The following ARL3 variants were observed in gnomAD, a reference collection of about 807,000 sequenced individuals.
ARL3 encodes the protein ADP-ribosylation factor-like protein 3.
Under a neutral mutation model 26.0 loss-of-function variants are expected in ARL3, and 9 were observed. The ratio of observed to expected loss-of-function variants is 0.35; its 90% CI spans 0.21 to 0.60. ARL3 has a LOEUF of 0.60. Ranked by LOEUF, ARL3 falls within the 20% of genes least tolerant of loss-of-function variation. The pLI, the probability that ARL3 is intolerant of heterozygous loss-of-function variation, is 0.78. For synonymous variants in ARL3, 71 were observed against 78.4 expected (o/e 0.91, Z 0.50); for missense variants, 158 against 215.7 (o/e 0.73, Z 1.67).
chr10:102,700,163 C>A (rs571034678), intron 2 of ARL3, among the ~76,000 whole-genome samples: 1 of 152,296 alleles, frequency 6.6e-6, no homozygotes, highest in East Asian at 1.9e-4. Context: ...GTAATCCCAG[C>A]ACTCTGGGAG....
chr10:102,701,224 T>C (rs577676774), intron 2 of ARL3, among the ~76,000 whole-genome samples: 1 of 152,244 alleles, frequency 6.6e-6, no homozygotes, highest in East Asian at 1.9e-4. Flanking sequence ...AAAAATTACA[T>C]AGGGAAACCA....
intron 3 of ARL3, 27 bp downstream of exon 3, chr10:102,699,346 A>C: frequency 7.4e-7 from 1 of 1,355,870 alleles, no homozygotes; most frequent in Non-Finnish European, 1.1e-6. Context: ...AAATACTATG[A>C]ATTAGTGCGT....
intron 4 of ARL3, 24 bp from the exon 5 acceptor site, chr10:102,686,025 A>T: frequency 6.4e-7 from 1 of 1,564,106 alleles, no homozygotes; most frequent in African/African-American, 1.4e-5. Flanking sequence ...AGGGAGAGGG[A>T]GGGAAGGTTA....
At chr10:102,678,659 A>T (rs969015928) in intron 5 of ARL3, among the ~76,000 whole-genome samples, 2 of 152,242 alleles carry the variant, frequency 1.3e-5, no homozygotes, top group Non-Finnish European at 2.9e-5. Flanking sequence ...CTATGTGAAT[A>T]GCGCTTTGCC....
At chr10:102,700,786 T>C (rs1316272905) in intron 2 of ARL3, among the ~76,000 whole-genome samples, 1 of 145,472 alleles carries the variant, frequency 6.9e-6, no homozygotes, top group African/African-American at 2.6e-5. Flanking sequence ...TTTTTTTTTT[T>C]TTTTGCAGAG....
chr10:102,699,910 T>G (rs576187529), intron 2 of ARL3, among the ~76,000 whole-genome samples: 1 of 152,204 alleles, frequency 6.6e-6, no homozygotes, highest in East Asian at 1.9e-4. Flanking sequence ...ACAAGCTAAA[T>G]TTAAAGAGGC....
chr10:102,686,915 G>T (rs1371528375), intron 4 of ARL3, among the ~76,000 whole-genome samples: 1 of 125,934 alleles, frequency 7.9e-6, no homozygotes, highest in Non-Finnish European at 1.6e-5. Context: ...TTGCTCTGTT[G>T]CCCAGGCTGG....
At position 102,704,572 on chromosome 10, in the gene ARL3, G is replaced by A. The variant is rs368403866; in HGVS notation, c.147+774C>T. Among the ~76,000 whole-genome samples the A allele has an allele frequency of 5.3e-5, 8 of 152,212 alleles. No homozygotes were observed. The South Asian group carries it at 6.2e-4, about 12-fold the overall frequency. ...CAAGAATCGCTTGAACCTGGGAGGCGGAGGTTGCAGTGAGCCAAGATTGCA... is the reference window on the plus strand; with the variant it reads ...CAAGAATCGCTTGAACCTGGGAGGCAGAGGTTGCAGTGAGCCAAGATTGCA... On this transcript the variant is annotated intron_variant, in intron 2 of 5. Transcript: ENST00000260746.
At chr10:102,711,274 T>A (rs1281154490) in intron 1 of ARL3, among the ~76,000 whole-genome samples, 1 of 151,938 alleles carries the variant, frequency 6.6e-6, no homozygotes, top group Non-Finnish European at 1.5e-5. Flanking sequence ...ATGAAATGAA[T>A]GTTATGGGCT....
chr10:102,711,314 CTGTG>C (rs3977757), intron 1 of ARL3, among the ~76,000 whole-genome samples: 392 of 143,232 alleles, frequency 2.7e-3, no homozygotes, highest in Admixed American at 3.2e-3. Context: ...TATTCAGCTT[CTGTG>C]TGTGTGTGTG....
intron 5 of ARL3, among the ~76,000 whole-genome samples, chr10:102,680,300 A>G (rs566399532): frequency 3.2e-4 from 48 of 152,226 alleles, no homozygotes; most frequent in African/African-American, 1.1e-3. Flanking sequence ...GATCTTCATT[A>G]TGGGGATGAC....
intron 2 of ARL3, among the ~76,000 whole-genome samples, chr10:102,704,209 C>T (rs914671022): frequency 6.0e-5 from 8 of 132,332 alleles, no homozygotes; most frequent in Admixed American, 5.5e-4. Context: ...AAAATTGATA[C>T]ATATTTGTAT....
chr10:102,692,037 A>T (rs1038520556), intron 3 of ARL3, among the ~76,000 whole-genome samples: 1 of 152,238 alleles, frequency 6.6e-6, no homozygotes, highest in African/African-American at 2.4e-5. Flanking sequence ...ACAAGGATGC[A>T]GCTGGAGGAA....
At chr10:102,710,596 C>T (rs2064333322) in intron 1 of ARL3, among the ~76,000 whole-genome samples, 1 of 152,106 alleles carries the variant, frequency 6.6e-6, no homozygotes, top group Non-Finnish European at 1.5e-5. Context: ...CATTAAACAC[C>T]CTTAATGTGC....
At chr10:102,700,840 C>T (rs1293229767) in intron 2 of ARL3, among the ~76,000 whole-genome samples, 2 of 134,972 alleles carry the variant, frequency 1.5e-5, no homozygotes, top group African/African-American at 5.6e-5. Context: ...CGGATTCAAG[C>T]GATTATCCTG....
At chr10:102,686,269 G>C (rs912573546) in intron 4 of ARL3, among the ~76,000 whole-genome samples, 1 of 151,534 alleles carries the variant, frequency 6.6e-6, no homozygotes, top group Non-Finnish European at 1.5e-5. Flanking sequence ...ACAGGGTTTT[G>C]CCACGTTGGG....
intron 3 of ARL3, 43 bp downstream of exon 3, chr10:102,699,329 TG>T: frequency 8.4e-7 from 1 of 1,194,348 alleles, no homozygotes; most frequent in Non-Finnish European, 1.3e-6. Flanking sequence ...TTCTAACACA[TG>T]GCAGAAAATA....
intron 5 of ARL3, among the ~76,000 whole-genome samples, chr10:102,684,475 T>C (rs2064171961): frequency 6.6e-6 from 1 of 152,006 alleles, no homozygotes; most frequent in Non-Finnish European, 1.5e-5. Context: ...ATTTGTCATC[T>C]AAACCTTTTA....
chr10:102,695,625 C>A (rs2064243077), intron 3 of ARL3, among the ~76,000 whole-genome samples: 1 of 152,034 alleles, frequency 6.6e-6, no homozygotes, highest in East Asian at 1.9e-4. Flanking sequence ...CTCCACCTTC[C>A]GGGTTTAAGC....
Sources: gnomAD v4.1 joint callset for allele counts (sites outside exome capture counted in the v4.1 genomes callset) on GRCh38, gnomAD v4.1.1 for gene constraint, MANE v1.5 for transcripts, NCBI Gene and HGNC (gene_info 2026-07-23, HGNC 2026-07-21) for gene names.